The following CDH17 variants were observed in gnomAD, a reference collection of about 807,000 sequenced individuals.
The protein encoded by CDH17 is cadherin 17, also known as cadherin-17.
In CDH17, 67 loss-of-function variants were observed where a neutral mutation model predicts 86.3. The ratio of observed to expected loss-of-function variants is 0.78; its 90% CI spans 0.64 to 0.95. The LOEUF (loss-of-function observed/expected upper bound fraction) is 0.95. Ranked by LOEUF, CDH17 falls within the 40% of genes least tolerant of loss-of-function variation. The pLI is 0.00. For missense variants in CDH17, 993 were observed against 1,017.6 expected (o/e 0.98, Z 0.33); for synonymous variants, 367 against 366.4 (o/e 1.00, Z -0.02).
chr8:94,138,099 C>CA (rs1812567569), intron 15 of CDH17, among the ~76,000 whole-genome samples: 1 of 151,924 alleles, frequency 6.6e-6, no homozygotes, highest in Non-Finnish European at 1.5e-5. Context: ...ATTGAGAGTA[C>CA]AAAAACACTA....
chr8:94,146,567 T>C (rs1812749232), intron 14 of CDH17, among the ~76,000 whole-genome samples: 1 of 152,182 alleles, frequency 6.6e-6, no homozygotes, highest in Non-Finnish European at 1.5e-5. Flanking sequence ...TTTGCAAGAA[T>C]CCCACATATG....
chr8:94,168,101 T>C (rs1213480251), intron 9 of CDH17, among the ~76,000 whole-genome samples: 1 of 1,512 alleles, frequency 6.6e-4, no homozygotes, highest in Non-Finnish European at 2.0e-3. Context: ...CTGGGGAATA[T>C]ATATATATAT....
chr8:94,208,269 A>C (rs1245949333), intron 1 of CDH17, among the ~76,000 whole-genome samples: 2 of 152,162 alleles, frequency 1.3e-5, no homozygotes. Flanking sequence ...TGAATTTATA[A>C]AATATGGACC....
At chr8:94,162,455 G>C (rs1468516132) in intron 10 of CDH17, among the ~76,000 whole-genome samples, 1 of 152,184 alleles carries the variant, frequency 6.6e-6, no homozygotes, top group Non-Finnish European at 1.5e-5. Flanking sequence ...TCCTGAGCAG[G>C]ATGGCTTCCT....
chr8:94,146,148 A>T lies in CDH17; in HGVS notation c.1947T>A (p.Ser649=). 1 of 1,581,148 alleles carries T rather than the reference A, an allele frequency of 6.3e-7. No individual in the cohort carries two copies. The highest frequency in any genetic ancestry group is 1.4e-5 in the African/African-American group (1 of 73,628). ...TAAGGATCAGGTGGAACTCTGACAC[A>T]GAGCTCAAGGAAGACCCCCCTAAGG... is the stretch of plus-strand genomic sequence containing the variant. ...ATEVGGSSLS[S]VSEFHLILMD... Residue 649 remains serine (S), a synonymous_variant, in exon 15 of 18, where the codon TCT becomes TCA. Coordinates refer to ENST00000027335, the MANE Select transcript of CDH17 (RefSeq NM_004063.4).
At chr8:94,172,043 CCT>C (rs1435580697) in intron 7 of CDH17, among the ~76,000 whole-genome samples, 6 of 142,720 alleles carry the variant, frequency 4.2e-5, no homozygotes, top group Admixed American at 3.6e-4. Flanking sequence ...CCCCTCTCCC[CCT>C]CTCTCTTTCT....
At chr8:94,211,226 C>A (rs895867110), upstream of CDH17, among the ~76,000 whole-genome samples, 45 of 151,960 alleles carry the variant, frequency 3.0e-4, 1 homozygote, top group Admixed American at 2.6e-3. Context: ...GTCTAGATAG[C>A]CTCCCAGACA....
At chr8:94,212,458 T>C (rs1451984679), upstream of CDH17, among the ~76,000 whole-genome samples, 1 of 151,660 alleles carries the variant, frequency 6.6e-6, no homozygotes, top group East Asian at 1.9e-4. Flanking sequence ...ACTTCTGAGT[T>C]TGGGTTTGGG....
rs560342979 is a variant in CDH17 at position 94,148,715 on chromosome 8, T to G, written c.1927+29A>C. 3.6e-6 allele frequency: 5 copies of G among 1,407,842 alleles called. No individual in the cohort carries two copies. The Admixed American group carries it at 1.6e-4, about 45-fold the overall frequency. The allele number at this position is 1,407,842 out of a possible 1,614,324, so 87.2% of individuals were successfully genotyped here. ...ATCTTCTGATAATCTGTGTTCCTTT[T>G]TTTTTGTTTTTTTTTTTTTTTTGCT... On this transcript the variant is annotated intron_variant, in intron 14 of 17. Coordinates refer to ENST00000027335, the MANE Select transcript of CDH17 (RefSeq NM_004063.4).
At chr8:94,162,558 C>A (rs537998575) in intron 10 of CDH17, among the ~76,000 whole-genome samples, 3 of 152,328 alleles carry the variant, frequency 2.0e-5, no homozygotes, top group East Asian at 3.9e-4. Context: ...CTGTGAGCAT[C>A]CCAGTGGCTG....
At chr8:94,143,174 G>C (rs770050249) in intron 15 of CDH17, among the ~76,000 whole-genome samples, 4 of 152,194 alleles carry the variant, frequency 2.6e-5, no homozygotes, top group African/African-American at 9.7e-5. Flanking sequence ...CTGCAGAATG[G>C]ATGCTGTGTT....
chr8:94,196,479 T>A (rs942682965), intron 1 of CDH17, among the ~76,000 whole-genome samples: 1 of 152,026 alleles, frequency 6.6e-6, no homozygotes, highest in African/African-American at 2.4e-5. Flanking sequence ...CCGAGGCAGG[T>A]GGGTTGCTTG....
In CDH17 at chr8:94,171,122, G is replaced by A. The variant is rs148660893; in HGVS notation, c.784-137C>T. 6.3e-4 allele frequency: 555 copies of A among 874,088 alleles called. 1 individual carries two copies. The African/African-American group carries it at 7.6e-3, about 12-fold the overall frequency. 54.1% of individuals were successfully genotyped at this position (874,088 alleles called of 1,614,324 possible). ...TGGTTTCTTGTAACAACTGAATTAC[G>A]TTTTTCACTTTTAACCTAAAATAAG... On this transcript the variant is annotated intron_variant, in intron 7 of 17. Transcript: ENST00000027335.
chr8:94,138,722 G>C (rs982309899), intron 15 of CDH17, among the ~76,000 whole-genome samples: 1 of 152,110 alleles, frequency 6.6e-6, no homozygotes, highest in African/African-American at 2.4e-5. Context: ...AATCATTCCT[G>C]GTCCCTAGAG....
chr8:94,200,549 T>A (rs866963155), intron 1 of CDH17, among the ~76,000 whole-genome samples: 1 of 137,972 alleles, frequency 7.2e-6, no homozygotes, highest in Admixed American at 7.2e-5. Flanking sequence ...TTTTTTTTTT[T>A]TTTTTTTTTT....
intron 1 of CDH17, among the ~76,000 whole-genome samples, chr8:94,206,186 A>T (rs953521997): frequency 1.3e-5 from 2 of 151,110 alleles, no homozygotes; most frequent in African/African-American, 4.8e-5. Context: ...AATCAACTTT[A>T]GTGTAGTTAA....
chr8:94,200,384 A>G (rs934312537), intron 1 of CDH17, among the ~76,000 whole-genome samples: 2 of 152,108 alleles, frequency 1.3e-5, no homozygotes, highest in Admixed American at 6.5e-5. Context: ...ACTACCTGTA[A>G]TAATTGGCCA....
chr8:94,200,416 C>T (rs1813882674), intron 1 of CDH17, among the ~76,000 whole-genome samples: 1 of 151,942 alleles, frequency 6.6e-6, no homozygotes, highest in African/African-American at 2.4e-5. Flanking sequence ...GGAATTTTTG[C>T]CGTTTGTCAG....
At chr8:94,191,157 T>TTA (rs377555590) in intron 2 of CDH17, among the ~76,000 whole-genome samples, 7 of 150,790 alleles carry the variant, frequency 4.6e-5, no homozygotes, top group East Asian at 1.9e-4. Flanking sequence ...TTCCTGATTT[T>TTA]AAAAAAAAGG....
Sources: allele counts gnomAD v4.1 joint callset (sites outside exome capture counted in the v4.1 genomes callset), GRCh38; gene constraint gnomAD v4.1.1; transcripts MANE v1.5; gene names NCBI Gene and HGNC (gene_info 2026-07-23, HGNC 2026-07-21).